Variants in OTOG observed in about 807,000 individuals in gnomAD.
The protein encoded by OTOG is otogelin.
A neutral mutation model predicts 313.8 loss-of-function variants in OTOG; 296 were observed. The observed-to-expected ratio is 0.94, with a 90% CI of 0.86 to 1.04. The LOEUF is 1.04. OTOG is among the 50% of genes least tolerant of loss of function. The pLI, the probability that OTOG is intolerant of heterozygous loss-of-function variation, is 0.00. For synonymous variants in OTOG, 1,533 were observed against 1,554.9 expected (o/e 0.99, Z 0.33); for missense variants, 3,948 against 3,840.1 (o/e 1.03, Z -0.74).
At chr11:17,559,731 G>A in intron 12 of OTOG, 69 bp downstream of exon 12, 18 of 1,255,192 alleles carry the variant, frequency 1.4e-5, no homozygotes, top group Non-Finnish European at 1.9e-5. Context: ...CACGAAACAG[G>A]AGTTCAGAAG....
intron 29 of OTOG, among the ~76,000 whole-genome samples, 166 bp downstream of exon 29, chr11:17,596,320 A>T (rs1853106158): frequency 6.6e-6 from 1 of 152,082 alleles, no homozygotes; most frequent in South Asian, 2.1e-4. Context: ...AGTCCGTCCT[A>T]TTTCCCCAGA....
Position 17,557,012 on chromosome 11 carries a change from G to T in OTOG, c.660-106G>T, listed in dbSNP as rs535894802. ...TTCTGGGAATTCATGGGGAGGGGAA[G>T]TGGGGGCCTTGGATCATGGGGTAGG... is the stretch of plus-strand genomic sequence containing the variant. On this transcript the variant is annotated intron_variant, in intron 7 of 55. Transcript: ENST00000399397. 1.5e-4 allele frequency: 160 copies of T among 1,052,662 alleles called. 1 individual carries two copies. The South Asian group carries it at 2.2e-3, about 14-fold the overall frequency. The allele number at this position is 1,052,662 out of a possible 1,614,324, so 65.2% of individuals were successfully genotyped here.
At chr11:17,572,002 G>A (rs1852414759) in intron 17 of OTOG, 78 bp from the exon 18 acceptor site, 10 of 1,529,886 alleles carry the variant, frequency 6.5e-6, no homozygotes, top group South Asian at 6.2e-5. Context: ...GCAAGTAGGT[G>A]TTACCTGGAT....
In OTOG at chr11:17,631,866, T is replaced by G; in HGVS notation, c.6877T>G (p.Cys2293Gly). Residue 2293 changes from cysteine (C) to glycine (G), a missense_variant, in exon 41 of 56, where the codon TGC becomes GGC. By Grantham distance (159) the Cys-to-Gly change is radical. Transcript: ENST00000399397. ...FRPDSCATTD[C>G]SPCLRMVSNR... ...CCCAGACAGCTGCGCCACAACTGAC[T>G]GCTCGCCCTGCCTTCGCATGGTGTC... 6.4e-7 allele frequency: 1 copy of G among 1,550,578 alleles called. No homozygotes were observed. Among genetic ancestry groups the G allele is most frequent in the Non-Finnish European group, 8.7e-7 (1 of 1,147,006 alleles).
chr11:17,586,660 C>G, intron 24 of OTOG, 79 bp downstream of exon 24: 1 of 647,076 alleles, frequency 1.5e-6, no homozygotes, highest in Non-Finnish European at 2.3e-6. Flanking sequence ...AGAGTATAGT[C>G]TAGCATTCCC....
chr11:17,608,313 G>C lies in OTOG; in HGVS notation c.4174G>C (p.Ala1392Pro). 2 of 1,538,046 alleles carry C rather than the reference G, an allele frequency of 1.3e-6. No homozygotes were observed. Among genetic ancestry groups the C allele is most frequent in the Non-Finnish European group, 1.8e-6 (2 of 1,141,238 alleles). The change falls in exon 34 of 56, where the codon GCT becomes CCT. Residue 1392 changes from alanine to proline, a missense_variant. Physicochemically the swap from Ala to Pro is conservative, Grantham distance 27 (BLOSUM62 -1). Transcript: ENST00000399397. ...CTTTCTAGATGCCAAGCCCTCGGGG[G>C]CTGCCTACCCCATCTGCGAGTGGCG... ...FRLLDAKPSG[A>P]AYPICEWRYD...
chr11:17,613,358 T>TTCCC (rs1565119171), intron 38 of OTOG, among the ~76,000 whole-genome samples: 1 of 102,228 alleles, frequency 9.8e-6, no homozygotes, highest in African/African-American at 3.5e-5. Flanking sequence ...CCTTCCTTCC[T>TTCCC]TCCTTCCTTC....
chr11:17,561,929 C>T (rs1379462186), intron 15 of OTOG, 122 bp downstream of exon 15: 1 of 1,253,652 alleles, frequency 8.0e-7, no homozygotes, highest in East Asian at 2.6e-5. Flanking sequence ...TGCCTCTTCT[C>T]TCTGGGGAGA....
Position 17,573,255 on chromosome 11 carries a change from T to A in OTOG, c.2258T>A (p.Leu753His). The A allele has an allele frequency of 2.0e-6, 3 of 1,531,018 alleles. No individual in the cohort carries two copies. The highest frequency in any genetic ancestry group is 2.6e-6 in the Non-Finnish European group (3 of 1,142,868). 94.8% of individuals were successfully genotyped at this position (1,531,018 alleles called of 1,614,324 possible). A position where few individuals can be genotyped will look rare whatever the true frequency, so the allele number is the denominator to read the frequency against. The change falls in exon 19 of 56, where the codon CTC becomes CAC. Residue 753 changes from leucine to histidine, a missense_variant. Leu to His is a moderately conservative substitution (Grantham distance 99). Coordinates refer to ENST00000399397, the MANE Select transcript of OTOG (RefSeq NM_001292063.2). ...GCCCACCTGTGCCGGCGCCATGGGC[T>A]CCCCGTTGATTTCCGCGCCCGCCTG... The part of the protein sequence containing the change: ...HYAHLCRRHG[L>H]PVDFRARLPA...
At position 17,553,096 on chromosome 11, in the gene OTOG, A is replaced by G. The variant is rs992280842; in HGVS notation, c.293-23A>G. ...CTGCCAATCTCAGCTTGATGGGGCA[A>G]TGACTCTGTGTCTCCCATGCAGACT... On this transcript the variant is annotated intron_variant, in intron 4 of 55. Coordinates refer to ENST00000399397, the MANE Select transcript of OTOG (RefSeq NM_001292063.2). The G allele has an allele frequency of 1.2e-5, 19 of 1,549,384 alleles. No individual in the cohort carries two copies. In the African/African-American group the frequency reaches 2.1e-4, roughly 17 times the overall value.
Position 17,578,389 on chromosome 11 carries a change from A to G in OTOG, c.2622A>G (p.Ala874=). The change falls in exon 23 of 56, where the codon GCA becomes GCG. Residue 874 remains alanine (A), a synonymous_variant. Coordinates refer to ENST00000399397, the MANE Select transcript of OTOG (RefSeq NM_001292063.2). ...DSRAPAAACP[A]GQVFVNCSDL... ...CTCTTCCAGCTGCTGCCTGCCCAGCAGGCCAGGTCTTCGTGAACTGCAGCG... is the reference window on the plus strand; with the variant it reads ...CTCTTCCAGCTGCTGCCTGCCCAGCGGGCCAGGTCTTCGTGAACTGCAGCG... 1 of 1,522,790 alleles carries G rather than the reference A, an allele frequency of 6.6e-7. No homozygotes were observed. The highest frequency in any genetic ancestry group is 8.8e-7 in the Non-Finnish European group (1 of 1,136,256). The allele number at this position is 1,522,790 out of a possible 1,614,324, so 94.3% of individuals were successfully genotyped here. A position where few individuals can be genotyped will look rare whatever the true frequency, so the allele number is the denominator to read the frequency against.
Position 17,548,182 on chromosome 11 carries a change from G to A in OTOG, c.186G>A (p.Met62Ile), listed in dbSNP as rs1238076382. The A allele has an allele frequency of 1.9e-6, 3 of 1,548,374 alleles. No individual in the cohort carries two copies. The highest frequency in any genetic ancestry group is 1.7e-6 in the Non-Finnish European group (2 of 1,145,740). ...GCCACCAGGAGGCGACCCTTGCCAT[G>A]GGGGACAAGGCTACAGTCGTGGGAG... Reference protein sequence around the residue: ...SSSHQEATLAMGDKATVVGGQ... With the variant: ...SSSHQEATLAIGDKATVVGGQ... The change falls in exon 3 of 56, where the codon ATG becomes ATA. Residue 62 changes from methionine to isoleucine, a missense_variant. Coordinates refer to ENST00000399397, the MANE Select transcript of OTOG (RefSeq NM_001292063.2).
intron 32 of OTOG, among the ~76,000 whole-genome samples, chr11:17,605,623 G>A (rs1013526361): frequency 1.3e-5 from 2 of 152,124 alleles, no homozygotes; most frequent in East Asian, 1.9e-4. Flanking sequence ...CCTTCCCGAG[G>A]CTTAGCAGCT....
intron 32 of OTOG, among the ~76,000 whole-genome samples, chr11:17,602,702 A>C (rs1590034494): frequency 6.8e-6 from 1 of 148,044 alleles, no homozygotes. Flanking sequence ...TTCCTATCTC[A>C]CCCTCCCTCC....
At chr11:17,645,186 G>A (rs1229954499) in intron 54 of OTOG, among the ~76,000 whole-genome samples, 3 of 152,194 alleles carry the variant, frequency 2.0e-5, no homozygotes, top group Non-Finnish European at 4.4e-5. Context: ...TCTCAGGATG[G>A]GAAAACTGAA....
intron 20 of OTOG, among the ~76,000 whole-genome samples, chr11:17,575,572 G>A (rs1852505027): frequency 6.6e-6 from 1 of 152,172 alleles, no homozygotes; most frequent in Admixed American, 6.5e-5. Context: ...GGGAGGCAGC[G>A]ACCCCACGTG....
At chr11:17,590,451 C>T (rs1174383752) in intron 24 of OTOG, among the ~76,000 whole-genome samples, 1 of 152,226 alleles carries the variant, frequency 6.6e-6, no homozygotes, top group Non-Finnish European at 1.5e-5. Flanking sequence ...CTGACAACTT[C>T]TCACTCTTTC....
chr11:17,548,418 CTTTTTTTTTTTTTTTTTTTTT>C lies in OTOG; in HGVS notation c.216+224_216+244del, dbSNP rs56402246. Among the ~76,000 whole-genome samples, 301 of 87,612 alleles carry C rather than the reference CTTTTTTTTTTTTTTTTTTTTT, an allele frequency of 3.4e-3. 9 individuals are homozygous for C. Among genetic ancestry groups the C allele is most frequent in the African/African-American group, 8.9e-3 (188 of 21,114 alleles). 57.5% of individuals were successfully genotyped at this position (87,612 alleles called of 152,430 possible). A position where few individuals can be genotyped will look rare whatever the true frequency, so the allele number is the denominator to read the frequency against. On this transcript the variant is annotated intron_variant, in intron 3 of 55. Transcript: ENST00000399397. ...ATCTCTTGGGGGTCTATAGTCCACT[CTTTTTTTTTTTTTTTTTTTTT>C]TTTTTTTTTTTTTTTTTAGGAGAGG...
chr11:17,634,360 G>A, intron 44 of OTOG, 79 bp downstream of exon 44: 3 of 1,425,902 alleles, frequency 2.1e-6, no homozygotes, highest in Non-Finnish European at 2.9e-6. Flanking sequence ...CAACCCTGAT[G>A]GATAGGACAA....
Sources: allele counts gnomAD v4.1 joint callset (sites outside exome capture counted in the v4.1 genomes callset), GRCh38; gene constraint gnomAD v4.1.1; transcripts MANE v1.5; gene names NCBI Gene and HGNC (gene_info 2026-07-23, HGNC 2026-07-21).